The following DNAH10 variants were observed in gnomAD, a reference collection of about 807,000 sequenced individuals.
DNAH10 encodes the protein axonemal beta dynein heavy chain 10.
In DNAH10, 348 loss-of-function variants were observed where a neutral mutation model predicts 506.6. The ratio of observed to expected loss-of-function variants is 0.69; its 90% CI spans 0.63 to 0.75. The LOEUF (loss-of-function observed/expected upper bound fraction) is 0.75. Ranked by LOEUF, DNAH10 falls within the 30% of genes least tolerant of loss-of-function variation. The probability of loss-of-function intolerance (pLI) is 0.00; values close to 1 mark genes in which losing one functional copy is unlikely to be tolerated. For missense variants in DNAH10, 5,179 were observed against 5,787.1 expected (o/e 0.89, Z 3.41); for synonymous variants, 2,059 against 2,198.6 (o/e 0.94, Z 1.78).
At position 123,818,165 on chromosome 12, in the gene DNAH10, T is replaced by G. The variant is rs142840086; in HGVS notation, c.3781-785T>G. Reference sequence around the variant, plus strand: ...TTTCTCCACGTTGGTCAGGCTGGTCTTGAACGCCTGACCTCAGGTGATCCG... The same window carrying G: ...TTTCTCCACGTTGGTCAGGCTGGTCGTGAACGCCTGACCTCAGGTGATCCG... On this transcript the variant is annotated intron_variant, in intron 21 of 78. Coordinates refer to ENST00000673944, the MANE Select transcript of DNAH10 (RefSeq NM_001372106.1). Among the ~76,000 whole-genome samples, 1,433 of 152,236 alleles carry G rather than the reference T, an allele frequency of 9.4e-3. 15 individuals are homozygous for G. The highest frequency in any genetic ancestry group is 0.031 in the African/African-American group (1,296 of 41,536).
At chr12:123,934,947 G>T in intron 78 of DNAH10, 181 bp downstream of exon 78, 2 of 793,372 alleles carry the variant, frequency 2.5e-6, no homozygotes, top group Non-Finnish European at 2.0e-6. Flanking sequence ...AAAAGGCGCG[G>T]CTGTATGTGT....
intron 2 of DNAH10, among the ~76,000 whole-genome samples, chr12:123,770,968 GTAAT>G (rs141233937): frequency 7.3e-5 from 9 of 123,572 alleles, no homozygotes; most frequent in African/African-American, 3.0e-4. Flanking sequence ...CATGCTAGCT[GTAAT>G]TCTTTTTTTT....
At chr12:123,901,729 C>T (rs190448532) in intron 56 of DNAH10, among the ~76,000 whole-genome samples, 5,704 of 152,242 alleles carry the variant, frequency 0.037, 337 homozygotes, top group African/African-American at 0.12. Context: ...GGCGCGATCT[C>T]GGCTCACTGC....
intron 21 of DNAH10, among the ~76,000 whole-genome samples, chr12:123,816,028 G>C (rs1441591442): frequency 6.6e-6 from 1 of 152,176 alleles, no homozygotes; most frequent in Admixed American, 6.5e-5. Flanking sequence ...TTTGACAAAA[G>C]ACCAATGACT....
rs1197079495 is a variant in DNAH10, at chr12:123,850,555, TGAGACTCAGA to T, written c.6103-329_6103-320del. 6.6e-6 allele frequency among the ~76,000 whole-genome samples: 1 copy of T among 152,128 alleles called. No homozygotes were observed. The highest frequency in any genetic ancestry group is 1.5e-5 in the Non-Finnish European group (1 of 68,038). On this transcript the variant is annotated intron_variant, in intron 34 of 78. Transcript: ENST00000673944. This position sits in a 1 kb window ranked among gnomAD's most constrained non-coding sequence, Gnocchi z 5.5. ...ATTTCTGTTGTGCAGAAAAATAAAC[TGAGACTCAGA>T]GAGGTTAAGTGACCTGCTGAGGGTC...
chr12:123,857,360 T>C, intron 37 of DNAH10, 113 bp downstream of exon 37: 1 of 927,084 alleles, frequency 1.1e-6, no homozygotes, highest in Non-Finnish European at 1.5e-6. Flanking sequence ...TTTCACCATC[T>C]TAACCATTTT....
intron 11 of DNAH10, 113 bp downstream of exon 11, chr12:123,790,234 T>A (rs11057359): frequency 0.56 from 594,147 of 1,066,438 alleles, 174,186 homozygotes; most frequent in East Asian, 0.94. Context: ...TCACAAGTAA[T>A]ACCTGCTTAT....
chr12:123,928,343 G>A lies in DNAH10; in HGVS notation c.12106-44G>A, dbSNP rs541408312. ...GGGTCTCTGGAGAGCACGGGGTTGG[G>A]TTTGGATGCCAACCCCTCTCCTCTT... On this transcript the variant is annotated intron_variant, in intron 69 of 78. Transcript: ENST00000673944. This position sits in a 1 kb window ranked among gnomAD's most constrained non-coding sequence, Gnocchi z 4.9. 1 of 1,547,612 alleles carries A rather than the reference G, an allele frequency of 6.5e-7. No individual in the cohort carries two copies. Among genetic ancestry groups the A allele is most frequent in the African/African-American group, 1.4e-5 (1 of 73,284 alleles).
chr12:123,775,882 G>A (rs1420330204), intron 5 of DNAH10, among the ~76,000 whole-genome samples: 1 of 152,202 alleles, frequency 6.6e-6, no homozygotes, highest in African/African-American at 2.4e-5. Context: ...GCTAAATTGA[G>A]TCACAGTTCT....
At chr12:123,896,148 C>G (rs187185984) in intron 54 of DNAH10, among the ~76,000 whole-genome samples, 1,408 of 94,866 alleles carry the variant, frequency 0.015, 34 homozygotes, top group African/African-American at 0.058. Context: ...CACACACACA[C>G]AGAGAGAGAG....
chr12:123,836,391 A>G (rs1013837868), intron 28 of DNAH10, among the ~76,000 whole-genome samples: 1 of 152,262 alleles, frequency 6.6e-6, no homozygotes, highest in Non-Finnish European at 1.5e-5. Context: ...TTCATAAATA[A>G]TGTACAGGTT....
intron 40 of DNAH10, among the ~76,000 whole-genome samples, chr12:123,865,114 A>C (rs1000485493): frequency 6.6e-6 from 1 of 152,244 alleles, no homozygotes; most frequent in African/African-American, 2.4e-5. Flanking sequence ...GATAATGTTT[A>C]CATTATAATG....
chr12:123,885,571 C>T (rs181404824), intron 51 of DNAH10, among the ~76,000 whole-genome samples: 8 of 152,072 alleles, frequency 5.3e-5, no homozygotes, highest in East Asian at 1.9e-4. Flanking sequence ...CACCAGATTT[C>T]GCACTGGGAA....
chr12:123,844,352 A>T (rs1173678190), intron 30 of DNAH10, among the ~76,000 whole-genome samples: 4 of 152,216 alleles, frequency 2.6e-5, no homozygotes, highest in Non-Finnish European at 4.4e-5. Flanking sequence ...TCAGGCATTT[A>T]CAGCTCTGAG....
chr12:123,881,849 A>G, intron 51 of DNAH10, 36 bp downstream of exon 51: 1 of 1,440,372 alleles, frequency 6.9e-7, no homozygotes, highest in Non-Finnish European at 9.1e-7. Context: ...TAGGTTTACG[A>G]TGCCAGTTTC....
Position 123,929,374 on chromosome 12 carries a change from A to C in DNAH10, c.12406A>C (p.Lys4136Gln). 1 of 1,612,544 alleles carries C rather than the reference A, an allele frequency of 6.2e-7. No individual in the cohort carries two copies. ...MLDQCPHPAF[K>Q]PLVYVLAFFH... ...GGACCAGTGCCCGCACCCTGCCTTC[A>C]AGCCGCTGGTCTACGTGCTGGCGTT... is the stretch of plus-strand genomic sequence containing the variant. The change falls in exon 71 of 79, where the codon AAG becomes CAG. Residue 4136 changes from lysine to glutamine, a missense_variant. Lys to Gln is a moderately conservative substitution (Grantham distance 53). Around this residue, in one of 3 missense-constraint regions of DNAH10, gnomAD observed 4,844 missense variants for 5,430.5 expected, o/e 0.89. Transcript: ENST00000673944.
chr12:123,845,767 G>T lies in DNAH10; in HGVS notation c.5528G>T (p.Arg1843Leu), dbSNP rs368274139. ...CGGCAGATCGATGAGTTGGTAACGC[G>T]CATCACCATGCCGCTAAGCAAAAAC... is the stretch of plus-strand genomic sequence containing the variant. Reference protein sequence around the residue: ...MHRQIDELVTRITMPLSKNDR... With the variant: ...MHRQIDELVTLITMPLSKNDR... Residue 1843 changes from arginine (R) to leucine (L), a missense_variant, in exon 31 of 79, where the codon CGC (arginine) becomes CTC (leucine). Around this residue, in one of 3 missense-constraint regions of DNAH10, gnomAD observed 4,844 missense variants for 5,430.5 expected, o/e 0.89. Coordinates refer to ENST00000673944, the MANE Select transcript of DNAH10 (RefSeq NM_001372106.1). 14 of 1,613,806 alleles carry T rather than the reference G, an allele frequency of 8.7e-6. No homozygotes were observed. The highest frequency in any genetic ancestry group is 1.0e-5 in the Non-Finnish European group (12 of 1,179,886).
chr12:123,830,699 G>A lies in DNAH10; in HGVS notation c.4545G>A (p.Lys1515=), dbSNP rs554269908. The A allele has an allele frequency of 1.6e-5, 25 of 1,601,296 alleles. No individual in the cohort carries two copies. The South Asian group carries it at 2.6e-4, about 17-fold the overall frequency. Reference sequence around the variant, plus strand: ...CAATCAAGGAGGTTGCCATTGAGAAGGTAAGACTTCAGTTAAAAACAGGCT... The same window carrying A: ...CAATCAAGGAGGTTGCCATTGAGAAAGTAAGACTTCAGTTAAAAACAGGCT... ...TAAIKEVAIE[K]AVKEILDTWE... is the part of the protein sequence containing the mutation. The change falls in exon 26 of 79, where the codon AAG becomes AAA. Residue 1515 remains lysine (K), a splice_region_variant and synonymous_variant. Transcript: ENST00000673944.
chr12:123,915,095 G>T (rs1014219956), intron 62 of DNAH10, 96 bp downstream of exon 62: 3 of 1,411,510 alleles, frequency 2.1e-6, no homozygotes, highest in Middle Eastern at 4.7e-4. Flanking sequence ...CCTAGCCTCA[G>T]CGAGGCTGGG....
Sources: gnomAD v4.1 joint callset for allele counts (sites outside exome capture counted in the v4.1 genomes callset) on GRCh38, gnomAD v4.1.1 for gene constraint, gnomAD v4.1.1 regional missense constraint, Gnocchi (gnomAD v3.1) non-coding constraint, MANE v1.5 for transcripts, NCBI Gene and HGNC (gene_info 2026-07-23, HGNC 2026-07-21) for gene names.